CDH2: variants seen among roughly 807,000 people sequenced by gnomAD.
The protein encoded by CDH2 is cadherin 2.
CDH2 carries 17 observed loss-of-function variants against 92.0 expected under a neutral mutation model. The observed-to-expected ratio is 0.18, with a 90% CI of 0.13 to 0.28. The LOEUF (loss-of-function observed/expected upper bound fraction) is 0.28. Ranked by LOEUF, CDH2 falls within the 10% of genes least tolerant of loss-of-function variation. CDH2 has a pLI of 1.00. For synonymous variants in CDH2, 419 were observed against 415.9 expected, an observed-to-expected ratio of 1.01 and a Z score of -0.09; for missense variants, 862 against 1,133.1, an observed-to-expected ratio of 0.76 and a Z score of 3.44.
At chr18:28,014,086 C>T (rs2013176187) in intron 2 of CDH2, among the ~76,000 whole-genome samples, 177 bp from the exon 3 acceptor site, 1 of 152,072 alleles carries the variant, frequency 6.6e-6, no homozygotes. Context: ...TATGAAATGC[C>T]AGATGGTAGT....
chr18:27,973,874 A>T (rs190584414), intron 14 of CDH2, among the ~76,000 whole-genome samples: 1 of 152,326 alleles, frequency 6.6e-6, no homozygotes, highest in Admixed American at 6.5e-5. Context: ...CCTAGAAGTC[A>T]CATGTGAAAG....
At chr18:27,943,332 T>C (rs1326806487) in intron 6 of CDH2, among the ~76,000 whole-genome samples, 1 of 152,222 alleles carries the variant, frequency 6.6e-6, no homozygotes, top group Non-Finnish European at 1.5e-5. Flanking sequence ...ACTAGCTCAG[T>C]GTCAGTGGAC....
intron 6 of CDH2, among the ~76,000 whole-genome samples, chr18:27,933,350 G>A (rs1244988029): frequency 6.6e-6 from 1 of 151,932 alleles, no homozygotes; most frequent in East Asian, 1.9e-4. Flanking sequence ...CATATACTCC[G>A]GCCTTTATGG....
intron 15 of CDH2, among the ~76,000 whole-genome samples, chr18:27,957,253 A>AT (rs1399574951): frequency 6.6e-6 from 1 of 150,784 alleles, no homozygotes; most frequent in African/African-American, 2.4e-5. Flanking sequence ...CTACTTTTTT[A>AT]TTTTTTATTT....
intron 2 of CDH2, among the ~76,000 whole-genome samples, chr18:28,074,669 T>C (rs867377129): frequency 1.3e-5 from 2 of 150,398 alleles, no homozygotes; most frequent in African/African-American, 2.4e-5. Context: ...TAATATAATT[T>C]AACTCCTAAC....
chr18:28,161,170 C>G (rs2016301092), intron 1 of CDH2, among the ~76,000 whole-genome samples: 1 of 152,178 alleles, frequency 6.6e-6, no homozygotes, highest in Admixed American at 6.5e-5. Flanking sequence ...TTCTTTGGAA[C>G]ACTGAGAAAC....
intron 2 of CDH2, among the ~76,000 whole-genome samples, chr18:28,022,512 C>T (rs1202748555): frequency 1.3e-5 from 2 of 151,948 alleles, no homozygotes; most frequent in Non-Finnish European, 2.9e-5. Flanking sequence ...TCAACGAAAA[C>T]TTTATTAACA....
intron 2 of CDH2, among the ~76,000 whole-genome samples, chr18:28,016,775 G>A (rs1041339296): frequency 1.3e-5 from 2 of 152,064 alleles, no homozygotes; most frequent in African/African-American, 4.8e-5. Flanking sequence ...AAAAAGATCT[G>A]AAAAATGCAT....
intron 1 of CDH2, among the ~76,000 whole-genome samples, chr18:28,153,980 C>G (rs1019862235): frequency 6.6e-6 from 1 of 152,132 alleles, no homozygotes. Context: ...TTAAAACAGA[C>G]TCTCAAGAGG....
intron 2 of CDH2, among the ~76,000 whole-genome samples, chr18:28,113,813 C>T (rs2015451982): frequency 6.6e-6 from 1 of 152,082 alleles, no homozygotes; most frequent in South Asian, 2.1e-4. Context: ...TAAAGTTACA[C>T]TCCATAAAAG....
At chr18:28,165,566 C>T (rs1047933696) in intron 1 of CDH2, among the ~76,000 whole-genome samples, 6 of 152,128 alleles carry the variant, frequency 3.9e-5, no homozygotes, top group Non-Finnish European at 7.3e-5. Context: ...TTCATAACAA[C>T]CTTATGATAG....
rs1329166602 is a variant in CDH2 at position 27,990,314 on chromosome 18, T to G, written c.1381A>C (p.Thr461Pro). The change falls in exon 10 of 16, where the codon ACT becomes CCT. Residue 461 changes from threonine (T) to proline (P), a missense_variant. Thr to Pro is a conservative substitution (Grantham distance 38). Around this residue, in one of 5 missense-constraint regions of CDH2, gnomAD observed 564 missense variants for 722.2 expected, o/e 0.78. Coordinates refer to ENST00000269141, the MANE Select transcript of CDH2 (RefSeq NM_001792.5). The part of the protein sequence containing the change: ...DFETNRMFVL[T>P]VAAENQVPLA... ...GGCACTTGATTTTCTGCAGCAACAG[T>G]AAGGACAAACATCCTATTTGTTTCA... 2 of 1,613,642 alleles carry G rather than the reference T, an allele frequency of 1.2e-6. No individual in the cohort carries two copies. The highest frequency in any genetic ancestry group is 1.7e-6 in the Non-Finnish European group (2 of 1,179,718).
chr18:28,164,861 T>TA (rs2016356009), intron 1 of CDH2, among the ~76,000 whole-genome samples: 1 of 152,194 alleles, frequency 6.6e-6, no homozygotes, highest in Non-Finnish European at 1.5e-5. Context: ...CCCCTAATTA[T>TA]AAAGACAGTG....
chr18:27,988,628 A>G lies in CDH2; in HGVS notation c.1637T>C (p.Ile546Thr). ...AGTTATTTGTCCATTCACAGGATCT[A>G]TTTTTAGCCAATTGGCAGGATCAGA... The part of the protein sequence containing the change: ...KLSDPANWLK[I>T]DPVNGQITTI... Residue 546 changes from isoleucine (I) to threonine (T), a missense_variant, in exon 11 of 16, where the codon ATA becomes ACA. Ile to Thr is a moderately conservative substitution (Grantham distance 89). Around this residue, in one of 5 missense-constraint regions of CDH2, gnomAD observed 564 missense variants for 722.2 expected, o/e 0.78. Transcript: ENST00000269141. 1 of 1,608,244 alleles carries G rather than the reference A, an allele frequency of 6.2e-7. No homozygotes were observed. The highest frequency in any genetic ancestry group is 8.5e-7 in the Non-Finnish European group (1 of 1,174,864).
At position 28,136,686 on chromosome 18, in the gene CDH2, T is replaced by C. The variant is rs116512639; in HGVS notation, c.172+10987A>G. On this transcript the variant is annotated intron_variant, in intron 2 of 15. Transcript: ENST00000269141. Reference sequence around the variant, plus strand: ...AAGACTTAATTTATAACCTCCAAAGTACAACACCTCCAAAAATCCATCTAG... The same window carrying C: ...AAGACTTAATTTATAACCTCCAAAGCACAACACCTCCAAAAATCCATCTAG... Among the ~76,000 whole-genome samples, 198 of 152,256 alleles carry C rather than the reference T, an allele frequency of 1.3e-3. 2 individuals carry two copies. The highest frequency in any genetic ancestry group is 4.5e-3 in the African/African-American group (187 of 41,562).
chr18:28,107,788 A>T (rs1052589511), intron 2 of CDH2, among the ~76,000 whole-genome samples: 20 of 151,302 alleles, frequency 1.3e-4, no homozygotes, highest in African/African-American at 3.9e-4. Flanking sequence ...TTAGCCATTT[A>T]AAAAAAAAGG....
chr18:27,949,636 A>C (rs191743422), downstream of CDH2, among the ~76,000 whole-genome samples: 6 of 151,984 alleles, frequency 3.9e-5, no homozygotes, highest in Admixed American at 3.9e-4. Flanking sequence ...AAAACAAAAG[A>C]AAATCATTAT....
chr18:27,938,202 C>T (rs1051927779), intron 6 of CDH2, among the ~76,000 whole-genome samples: 7 of 152,054 alleles, frequency 4.6e-5, no homozygotes, highest in African/African-American at 1.4e-4. Context: ...CTGAGGCCTC[C>T]CCGGAAGCCA....
intron 1 of CDH2, among the ~76,000 whole-genome samples, chr18:28,159,646 T>C (rs1421884976): frequency 6.7e-6 from 1 of 149,590 alleles, no homozygotes; most frequent in Non-Finnish European, 1.5e-5. Context: ...ACTCAGGACC[T>C]GCAATTTTTT....
Sources: allele counts gnomAD v4.1 joint callset (sites outside exome capture counted in the v4.1 genomes callset), GRCh38; gene constraint gnomAD v4.1.1; regional missense constraint gnomAD v4.1.1; transcripts MANE v1.5; gene names NCBI Gene and HGNC (gene_info 2026-07-23, HGNC 2026-07-21).